Variants in C6orf132 observed in about 807,000 individuals in gnomAD.
The protein encoded by C6orf132 is uncharacterized protein C6orf132.
Under a neutral mutation model 65.3 loss-of-function variants are expected in C6orf132, and 43 were observed. The observed-to-expected ratio is 0.66, with a 90% CI of 0.52 to 0.85. The LOEUF (loss-of-function observed/expected upper bound fraction) is 0.85, where lower values mean the gene tolerates loss of function less well. C6orf132 is among the 40% of genes least tolerant of loss of function. The pLI, the probability that C6orf132 is intolerant of heterozygous loss-of-function variation, is 0.00. For missense variants in C6orf132, 1,488 were observed against 1,548.8 expected (o/e 0.96, Z 0.66); for synonymous variants, 631 against 654.1 (o/e 0.96, Z 0.54).
chr6:42,112,149 C>T (rs895310090), intron 2 of C6orf132, among the ~76,000 whole-genome samples: 18 of 152,188 alleles, frequency 1.2e-4, no homozygotes, highest in African/African-American at 3.9e-4. Flanking sequence ...TTGCACTGTG[C>T]TCTAACTAAA....
At chr6:42,133,623 A>G (rs1766890985) in intron 1 of C6orf132, among the ~76,000 whole-genome samples, 1 of 152,166 alleles carries the variant, frequency 6.6e-6, no homozygotes. Flanking sequence ...CTGTCAAGAT[A>G]CAAACTTCTG....
rs1285552813 is a variant in C6orf132, at chr6:42,104,811, A to T, written c.3101T>A (p.Leu1034His). ...PNAGPGAPPALGFSRFPAGAR... is the reference protein window; with the variant it reads ...PNAGPGAPPAHGFSRFPAGAR... ...GCCCGCGGGAAAGCGCGAGAAGCCG[A>T]GAGCCGGGGGCGCCCCGGGGCCAGC... The change falls in exon 4 of 5, where the codon CTC becomes CAC. Residue 1034 changes from leucine to histidine, a missense_variant. Leu to His is a moderately conservative substitution (Grantham distance 99). Transcript: ENST00000341865. This position sits in a 1 kb window ranked among gnomAD's most constrained non-coding sequence, Gnocchi z 4.1. 2.7e-6 allele frequency: 4 copies of T among 1,477,792 alleles called. No individual in the cohort carries two copies. The Admixed American group carries it at 7.5e-5, about 28-fold the overall frequency. The allele number at this position is 1,477,792 out of a possible 1,614,324, so 91.5% of individuals were successfully genotyped here.
chr6:42,117,358 A>G (rs1167528512), intron 2 of C6orf132, among the ~76,000 whole-genome samples: 1 of 152,208 alleles, frequency 6.6e-6, no homozygotes, highest in Non-Finnish European at 1.5e-5. Context: ...ACATTGCCCA[A>G]GGTCACACAG....
Position 42,105,030 on chromosome 6 carries a change from G to C in C6orf132, c.2882C>G (p.Pro961Arg). Reference protein sequence around the residue: ...PSNLPQGHPLPKSFSSPPSPS... With the variant: ...PSNLPQGHPLRKSFSSPPSPS... ...AGAAGGTGGGGAGGAGAAGGACTTG[G>C]GCAGCGGGTGGCCCTGGGGGAGGTT... The change falls in exon 4 of 5, where the codon CCC (proline) becomes CGC (arginine). Residue 961 changes from proline (P) to arginine (R), a missense_variant. Pro to Arg is a moderately radical substitution (Grantham distance 103). Transcript: ENST00000341865. The C allele has an allele frequency of 6.5e-7, 1 of 1,535,374 alleles. No individual in the cohort carries two copies. The highest frequency in any genetic ancestry group is 8.7e-7 in the Non-Finnish European group (1 of 1,146,338).
Position 42,106,718 on chromosome 6 carries a change from A to AGGG in C6orf132, c.1191_1193dup (p.Pro399dup). The AGGG allele has an allele frequency of 4.6e-6, 1 of 218,416 alleles. No individual in the cohort carries two copies. The highest frequency in any genetic ancestry group is 5.8e-6 in the Non-Finnish European group (1 of 172,210). 13.5% of individuals were successfully genotyped at this position (218,416 alleles called of 1,614,324 possible). On this transcript the variant is annotated inframe_insertion, in exon 4 of 5. Transcript: ENST00000341865. ...CTGGGGGAGGGAGGGGGGGTGCAGG[A>AGGG]GGGGGCAGGGGAGGGGCTGGAGGCG...
At chr6:42,113,627 C>T (rs1185696256) in intron 2 of C6orf132, among the ~76,000 whole-genome samples, 1 of 152,124 alleles carries the variant, frequency 6.6e-6, no homozygotes, top group African/African-American at 2.4e-5. Context: ...CCAGCCTGGC[C>T]AACATGGCAA....
At chr6:42,117,663 T>G (rs979124763) in intron 2 of C6orf132, among the ~76,000 whole-genome samples, 1 of 152,090 alleles carries the variant, frequency 6.6e-6, no homozygotes, top group Non-Finnish European at 1.5e-5. Flanking sequence ...GGCTCACGCC[T>G]GTAATCCCAG....
intron 2 of C6orf132, among the ~76,000 whole-genome samples, chr6:42,122,147 C>T (rs1331669996): frequency 6.6e-6 from 1 of 152,208 alleles, no homozygotes; most frequent in East Asian, 1.9e-4. Flanking sequence ...AAAAGAGTGT[C>T]CACCCATGAA....
chr6:42,111,234 C>A (rs9471769), intron 2 of C6orf132, among the ~76,000 whole-genome samples: 13,152 of 151,370 alleles, frequency 0.087, 803 homozygotes, highest in Non-Finnish European at 0.13. Context: ...GCAATCTTCC[C>A]ATCTGTAGCT....
At position 42,106,267 on chromosome 6, in the gene C6orf132, G is replaced by T; in HGVS notation, c.1645C>A (p.Pro549Thr). 1 of 1,537,056 alleles carries T rather than the reference G, an allele frequency of 6.5e-7. No individual in the cohort carries two copies. The highest frequency in any genetic ancestry group is 8.7e-7 in the Non-Finnish European group (1 of 1,146,914). Residue 549 changes from proline to threonine, a missense_variant, in exon 4 of 5, where the codon CCC becomes ACC. By Grantham distance (38) the Pro-to-Thr change is conservative (BLOSUM62 -1). Coordinates refer to ENST00000341865, the MANE Select transcript of C6orf132 (RefSeq NM_001164446.3). The part of the protein sequence containing the change: ...ETEAAPSLTL[P>T]SVDYIPQDSP... ...TCTTGGGGAATGTAGTCCACAGAGG[G>T]CAGGGTCAGGCTGGGGGCAGCCTCT...
intron 1 of C6orf132, among the ~76,000 whole-genome samples, chr6:42,135,544 AGTTCAGG>A (rs1360491119): frequency 2.6e-5 from 4 of 152,264 alleles, no homozygotes; most frequent in African/African-American, 9.6e-5. Context: ...TTGCTCACAG[AGTTCAGG>A]GTTGGAAGGA....
intron 2 of C6orf132, among the ~76,000 whole-genome samples, chr6:42,116,275 C>A (rs1766569881): frequency 6.6e-6 from 1 of 152,110 alleles, no homozygotes; most frequent in Admixed American, 6.6e-5. Context: ...TCACAACAGC[C>A]CAATGAGACA....
intron 2 of C6orf132, among the ~76,000 whole-genome samples, chr6:42,123,602 G>A (rs1251491636): frequency 1.1e-4 from 17 of 149,254 alleles, no homozygotes; most frequent in Non-Finnish European, 8.8e-5. Context: ...GAAGAAAGAA[G>A]GAAGAAGAAG....
chr6:42,140,394 GGT>G (rs146645653), intron 1 of C6orf132, among the ~76,000 whole-genome samples: 4 of 152,000 alleles, frequency 2.6e-5, no homozygotes, highest in African/African-American at 9.6e-5. Context: ...AGGGAGGAAG[GGT>G]GTGTGTGTGT....
At chr6:42,133,203 C>T (rs1300250779) in intron 1 of C6orf132, among the ~76,000 whole-genome samples, 1 of 152,152 alleles carries the variant, frequency 6.6e-6, no homozygotes, top group Non-Finnish European at 1.5e-5. Flanking sequence ...TAAAGGAGGG[C>T]TAGGAACATC....
In C6orf132 at chr6:42,104,087, G is replaced by A. The variant is rs1158635128; in HGVS notation, c.3450-209C>T. On this transcript the variant is annotated intron_variant, in intron 4 of 4. Transcript: ENST00000341865. The surrounding 1 kb of genome is among the most constrained non-coding windows in gnomAD (Gnocchi z 4.1). ...CTGGGCCCTGCTGGCCGGAGAACAT[G>A]CCTAACAGCCTTTCACTCAGAACTC... Among the ~76,000 whole-genome samples the A allele has an allele frequency of 3.0e-4, 45 of 152,234 alleles. No homozygotes were observed. The highest frequency in any genetic ancestry group is 2.7e-3 in the Admixed American group (42 of 15,288).
chr6:42,120,448 G>T lies in C6orf132; in HGVS notation c.252+8224C>A, dbSNP rs969607137. 3.3e-5 allele frequency among the ~76,000 whole-genome samples: 5 copies of T among 151,284 alleles called. No homozygotes were observed. In the South Asian group the frequency reaches 1.0e-3, roughly 32 times the overall value. On this transcript the variant is annotated intron_variant, in intron 2 of 4. Transcript: ENST00000341865. ...TTTTTAGTAGAGACGGGGTTTCACC[G>T]TGTTAGCCAGGATGGTCTCGATCTC...
Position 42,124,566 on chromosome 6 carries a change from A to G in C6orf132, c.252+4106T>C, listed in dbSNP as rs79027765. On this transcript the variant is annotated intron_variant, in intron 2 of 4. Transcript: ENST00000341865. This position sits in a 1 kb window ranked among gnomAD's most constrained non-coding sequence, Gnocchi z 4.0. ...CTGGGAGGTGCCTCTGAATGTGGGA[A>G]GGGAGGACAGGGAGGGGTGGAGGCC... Among the ~76,000 whole-genome samples the G allele has an allele frequency of 9.6e-3, 1,466 of 152,222 alleles. 24 individuals are homozygous for G. The highest frequency in any genetic ancestry group is 0.032 in the African/African-American group (1,335 of 41,546).
Position 42,103,712 on chromosome 6 carries a change from G to A in C6orf132, c.*49C>T. 3 of 1,197,466 alleles carry A rather than the reference G, an allele frequency of 2.5e-6. No individual in the cohort carries two copies. Among genetic ancestry groups the A allele is most frequent in the Non-Finnish European group, 3.2e-6 (3 of 930,832 alleles). The allele number at this position is 1,197,466 out of a possible 1,614,324, so 74.2% of individuals were successfully genotyped here. ...ACCCCCCACAAGAAACAAGTGCCCA[G>A]ATCCTTAAAGACACAGTTTGTTGGA... On this transcript the variant is annotated 3_prime_UTR_variant, in exon 5 of 5. Coordinates refer to ENST00000341865, the MANE Select transcript of C6orf132 (RefSeq NM_001164446.3).
Sources: gnomAD v4.1 joint callset for allele counts (sites outside exome capture counted in the v4.1 genomes callset) on GRCh38, gnomAD v4.1.1 for gene constraint, Gnocchi (gnomAD v3.1) non-coding constraint, MANE v1.5 for transcripts, NCBI Gene and HGNC (gene_info 2026-07-23, HGNC 2026-07-21) for gene names.